LRP1B: variants seen among roughly 807,000 people sequenced by gnomAD.
The protein encoded by LRP1B is low-density lipoprotein receptor-related protein 1B.
A neutral mutation model predicts 556.6 loss-of-function variants in LRP1B; 217 were observed. That is an observed-to-expected ratio of 0.39 (90% CI 0.35 to 0.44). LRP1B has a LOEUF of 0.44. Ranked by LOEUF, LRP1B falls within the 20% of genes least tolerant of loss-of-function variation. The pLI is 1.00. For synonymous variants in LRP1B, 2,047 were observed against 1,865.8 expected, an observed-to-expected ratio of 1.10 and a Z score of -2.50; for missense variants, 5,053 against 5,620.8, an observed-to-expected ratio of 0.90 and a Z score of 3.23.
chr2:141,101,545 C>A (rs10928093), intron 7 of LRP1B, among the ~76,000 whole-genome samples: 13,495 of 151,884 alleles, frequency 0.089, 783 homozygotes, highest in Non-Finnish European at 0.13. Context: ...ATTTAGGAAT[C>A]AAAAAATAAT....
chr2:141,034,688 A>G (rs1698478275), intron 11 of LRP1B, among the ~76,000 whole-genome samples: 1 of 150,150 alleles, frequency 6.7e-6, no homozygotes, highest in East Asian at 2.0e-4. Flanking sequence ...AATGGCAATC[A>G]TTAAAAAGTC....
intron 1 of LRP1B, among the ~76,000 whole-genome samples, chr2:142,110,713 AT>A (rs1706957932): frequency 1.3e-5 from 2 of 152,260 alleles, no homozygotes; most frequent in African/African-American, 4.8e-5. Context: ...TTTAGGAACT[AT>A]TTTTAAAGCC....
Position 142,130,849 on chromosome 2 carries a change from G to A in LRP1B, c.-120C>T, listed in dbSNP as rs1231997905. On this transcript the variant is annotated 5_prime_UTR_variant, in exon 1 of 91. Transcript: ENST00000389484. ...GAATCGAGCGGCGTCATTTACAAAT[G>A]TCACTGGAAATTCTTCAGCTCAATG... 8.9e-6 allele frequency: 7 copies of A among 782,544 alleles called. No individual in the cohort carries two copies. The highest frequency in any genetic ancestry group is 1.5e-5 in the Non-Finnish European group (7 of 452,572). The allele number at this position is 782,544 out of a possible 1,614,324, so 48.5% of individuals were successfully genotyped here. A position where few individuals can be genotyped will look rare whatever the true frequency, so the allele number is the denominator to read the frequency against.
chr2:141,696,314 C>T (rs1272132571), intron 2 of LRP1B, among the ~76,000 whole-genome samples: 4 of 151,862 alleles, frequency 2.6e-5, no homozygotes, highest in African/African-American at 4.8e-5. Context: ...ATAAAATACT[C>T]ATGTAACAGA....
chr2:141,766,132 G>T (rs1464757528), intron 2 of LRP1B, among the ~76,000 whole-genome samples: 2 of 152,120 alleles, frequency 1.3e-5, no homozygotes, highest in African/African-American at 4.8e-5. Context: ...TGTTTTTTAA[G>T]AATAGAAAGG....
intron 31 of LRP1B, among the ~76,000 whole-genome samples, chr2:140,837,978 G>GA (rs554733143): frequency 8.0e-4 from 122 of 151,952 alleles, no homozygotes; most frequent in African/African-American, 2.9e-3. Flanking sequence ...AACAACATCT[G>GA]AGGGGCCAGC....
At chr2:140,954,894 A>C (rs1215863503) in intron 18 of LRP1B, among the ~76,000 whole-genome samples, 1 of 151,988 alleles carries the variant, frequency 6.6e-6, no homozygotes, top group Non-Finnish European at 1.5e-5. Context: ...AAACATTGGG[A>C]ACTAGAATAA....
chr2:140,238,248 T>C lies in LRP1B; in HGVS notation c.13464A>G (p.Val4488=). The change falls in exon 89 of 91, where the codon GTA becomes GTG. Residue 4488 remains valine (V), a synonymous_variant. Coordinates refer to ENST00000389484, the MANE Select transcript of LRP1B (RefSeq NM_018557.3). ...RQPIINGGIN[V]EIGNPSYNMY... The stretch of plus-strand genomic sequence containing the variant: ...TGTTATAAGATGGATTGCCAATTTC[T>C]ACATTTATTCCTCCATTGATAATAG... 5 of 1,578,406 alleles carry C rather than the reference T, an allele frequency of 3.2e-6. No homozygotes were observed. The highest frequency in any genetic ancestry group is 4.3e-6 in the Non-Finnish European group (5 of 1,149,802).
chr2:140,345,785 TATAC>T (rs1385853309), intron 77 of LRP1B, among the ~76,000 whole-genome samples: 4 of 138,826 alleles, frequency 2.9e-5, no homozygotes, highest in Admixed American at 7.4e-5. Context: ...TATACATATA[TATAC>T]ACATATATAC....
At chr2:141,182,015 T>A (rs1681022024) in intron 7 of LRP1B, among the ~76,000 whole-genome samples, 1 of 152,004 alleles carries the variant, frequency 6.6e-6, no homozygotes, top group Non-Finnish European at 1.5e-5. Context: ...CCTATTCACA[T>A]CAGCAAATCC....
chr2:140,749,254 A>G (rs894842054), intron 35 of LRP1B, among the ~76,000 whole-genome samples: 2 of 152,148 alleles, frequency 1.3e-5, no homozygotes, highest in Non-Finnish European at 2.9e-5. Flanking sequence ...AGTGTACACT[A>G]CTACAGACTT....
Position 140,973,763 on chromosome 2 carries a change from C to T in LRP1B, c.2887+8397G>A, listed in dbSNP as rs75303962. Among the ~76,000 whole-genome samples the T allele has an allele frequency of 1.5e-3, 222 of 152,196 alleles. 1 individual carries two copies. The highest frequency in any genetic ancestry group is 4.9e-3 in the African/African-American group (204 of 41,536). Reference sequence around the variant, plus strand: ...CATTTTAAAACTTGTGATAAAAATACATAACATAAAATTTACCATATTAAC... The same window carrying T: ...CATTTTAAAACTTGTGATAAAAATATATAACATAAAATTTACCATATTAAC... On this transcript the variant is annotated intron_variant, in intron 18 of 90. Coordinates refer to ENST00000389484, the MANE Select transcript of LRP1B (RefSeq NM_018557.3).
rs539411893 is a variant in LRP1B at position 142,043,677 on chromosome 2, C to T, written c.82+86971G>A. Among the ~76,000 whole-genome samples the T allele has an allele frequency of 4.0e-5, 6 of 151,674 alleles. No homozygotes were observed. In the South Asian group the frequency reaches 1.2e-3, roughly 31 times the overall value. On this transcript the variant is annotated intron_variant, in intron 1 of 90. Coordinates refer to ENST00000389484, the MANE Select transcript of LRP1B (RefSeq NM_018557.3). ...GTGCTGTGAAAATCAGCTGTCAGTC[C>T]GTTTTTCAACAGCTCAATGTCTTAC...
intron 1 of LRP1B, among the ~76,000 whole-genome samples, chr2:141,846,780 C>T (rs995719241): frequency 1.3e-5 from 2 of 150,926 alleles, no homozygotes; most frequent in East Asian, 1.9e-4. Context: ...GGATCGTGAA[C>T]GATATCTTTT....
chr2:140,639,926 G>A (rs903054318), intron 41 of LRP1B, among the ~76,000 whole-genome samples: 1 of 152,132 alleles, frequency 6.6e-6, no homozygotes, highest in Non-Finnish European at 1.5e-5. Context: ...TGTACTTGCT[G>A]TTCTTCCTGG....
intron 1 of LRP1B, among the ~76,000 whole-genome samples, chr2:141,810,903 G>A (rs1347632531): frequency 6.6e-6 from 1 of 151,786 alleles, no homozygotes; most frequent in East Asian, 1.9e-4. Context: ...TACGTGAGTT[G>A]GATACCCAAT....
intron 1 of LRP1B, among the ~76,000 whole-genome samples, chr2:142,110,195 A>G (rs1450996876): frequency 4.6e-5 from 7 of 152,116 alleles, no homozygotes; most frequent in Admixed American, 4.6e-4. Context: ...TTTTTTCAAG[A>G]AGTAAAGTGG....
chr2:141,992,575 C>T (rs1702379037), intron 1 of LRP1B, among the ~76,000 whole-genome samples: 1 of 152,134 alleles, frequency 6.6e-6, no homozygotes, highest in Non-Finnish European at 1.5e-5. Context: ...TGGAAGAAAA[C>T]ACCATGATTA....
In LRP1B at chr2:140,872,428, G is replaced by C. The variant is rs573096241; in HGVS notation, c.4170-4165C>G. On this transcript the variant is annotated intron_variant, in intron 25 of 90. Coordinates refer to ENST00000389484, the MANE Select transcript of LRP1B (RefSeq NM_018557.3). Reference sequence around the variant, plus strand: ...TGCAACAGAGGCTACTCTTGGTTTTGTAAGGAAGAGTGTAGTTTAGACACT... The same window carrying C: ...TGCAACAGAGGCTACTCTTGGTTTTCTAAGGAAGAGTGTAGTTTAGACACT... 2.5e-5 allele frequency among the ~76,000 whole-genome samples: 3 copies of C among 119,068 alleles called. No individual in the cohort carries two copies. The South Asian group carries it at 8.6e-4, about 34-fold the overall frequency. 78.1% of individuals were successfully genotyped at this position (119,068 alleles called of 152,430 possible).
Sources: allele counts gnomAD v4.1 joint callset (sites outside exome capture counted in the v4.1 genomes callset), GRCh38; gene constraint gnomAD v4.1.1; transcripts MANE v1.5; gene names NCBI Gene and HGNC (gene_info 2026-07-23, HGNC 2026-07-21).